The following TMEM44 variants were observed in gnomAD, a reference collection of about 807,000 sequenced individuals.
TMEM44 encodes transmembrane protein 44.
TMEM44 carries 43 observed loss-of-function variants against 47.8 expected under a neutral mutation model. The observed-to-expected ratio is 0.90, with a 90% confidence interval of 0.70 to 1.16. TMEM44 has a LOEUF of 1.16. Among genes scored for constraint, TMEM44 ranks in the 50% most tolerant of loss-of-function variants. TMEM44 has a pLI of 0.00. For synonymous variants in TMEM44, 277 were observed against 238.8 expected, an observed-to-expected ratio of 1.16 and a Z score of -1.48; for missense variants, 568 against 555.2, an observed-to-expected ratio of 1.02 and a Z score of -0.23.
intron 4 of TMEM44, 74 bp downstream of exon 4, chr3:194,623,455 C>T (rs1053389727): frequency 1.3e-5 from 19 of 1,513,370 alleles, no homozygotes; most frequent in East Asian, 1.2e-4. Flanking sequence ...CCCCTAGCCC[C>T]GGCCTCATCC....
intron 8 of TMEM44, among the ~76,000 whole-genome samples, chr3:194,610,137 G>A (rs975395871): frequency 1.3e-5 from 2 of 151,816 alleles, no homozygotes; most frequent in African/African-American, 4.8e-5. Context: ...TGAGGTAGGA[G>A]AATCACTTGA....
chr3:194,633,344 A>AGCGCACCGACCGC lies in TMEM44; in HGVS notation c.-142_-130dup, dbSNP rs1485003008. ...CGTTCCGCCGCGGCGCCTCCGGCCGAGCGCACCGACCGCGGGCAGAGAAGG... is the reference window on the plus strand; with the variant it reads ...CGTTCCGCCGCGGCGCCTCCGGCCGAGCGCACCGACCGCGCGCACCGACCGCGGGCAGAGAAGG... On this transcript the variant is annotated 5_prime_UTR_variant, in exon 1 of 10. Transcript: ENST00000347147. 1.1e-5 allele frequency: 4 copies of AGCGCACCGACCGC among 349,010 alleles called. No homozygotes were observed. The Admixed American group carries it at 1.9e-4, about 17-fold the overall frequency. The allele number at this position is 349,010 out of a possible 1,614,324, so 21.6% of individuals were successfully genotyped here. A position where few individuals can be genotyped will look rare whatever the true frequency, so the allele number is the denominator to read the frequency against.
intron 6 of TMEM44, chr3:194,616,364 T>C: frequency 3.1e-6 from 1 of 325,694 alleles, no homozygotes; most frequent in Non-Finnish European, 6.1e-6. Context: ...GACTGTGACC[T>C]TATTCGGAAG....
chr3:194,600,412 C>T (rs914857121), intron 9 of TMEM44, among the ~76,000 whole-genome samples: 3 of 150,352 alleles, frequency 2.0e-5, no homozygotes, highest in Non-Finnish European at 3.0e-5. Context: ...GGATTACAGG[C>T]GTGAGCCACC....
At chr3:194,632,872 T>G in intron 1 of TMEM44, 1 of 890,084 alleles carries the variant, frequency 1.1e-6, no homozygotes, top group Non-Finnish European at 1.6e-6. Context: ...GCCTCCTCCC[T>G]TTGGCTCACA....
rs1311463647 is a variant in TMEM44 at position 194,617,205 on chromosome 3, A to C, written c.677T>G (p.Leu226Arg). 3 of 1,551,118 alleles carry C rather than the reference A, an allele frequency of 1.9e-6. No individual in the cohort carries two copies. Among genetic ancestry groups the C allele is most frequent in the South Asian group, 1.2e-5 (1 of 84,070 alleles). Residue 226 changes from leucine to arginine, a missense_variant, in exon 6 of 10, where the codon CTC (leucine) becomes CGC (arginine). Transcript: ENST00000347147. ...GGCCACAATGGCCGAGGCATAGAGG[A>C]GGCCAGCCAGGGCCGACAGGAGCCG... ...WTRLLSALAG[L>R]LYASAIVAHD...
intron 1 of TMEM44, among the ~76,000 whole-genome samples, chr3:194,628,959 T>A (rs910655679): frequency 1.3e-5 from 2 of 151,832 alleles, no homozygotes; most frequent in African/African-American, 4.8e-5. Flanking sequence ...AGGTCAGGAG[T>A]TCGAGACCAT....
At chr3:194,601,241 TTCAAA>T in intron 9 of TMEM44, among the ~76,000 whole-genome samples, 1 of 151,280 alleles carries the variant, frequency 6.6e-6, no homozygotes, top group East Asian at 1.9e-4. Flanking sequence ...CCCCTCCGGG[TTCAAA>T]CGATTCTCCT....
intron 5 of TMEM44, chr3:194,617,742 TGTTGA>T (rs1716088877): frequency 4.3e-6 from 3 of 703,768 alleles, no homozygotes; most frequent in Middle Eastern, 2.3e-4. Context: ...CCAGATCTCA[TGTTGA>T]GTCGTAATCC....
intron 7 of TMEM44, among the ~76,000 whole-genome samples, chr3:194,614,060 T>C (rs1004313160): frequency 6.6e-6 from 1 of 151,868 alleles, no homozygotes; most frequent in Non-Finnish European, 1.5e-5. Flanking sequence ...AGGCGGAGGT[T>C]GTGGTGAGCC....
chr3:194,600,514 T>A (rs1300381923), intron 9 of TMEM44, among the ~76,000 whole-genome samples: 1 of 151,736 alleles, frequency 6.6e-6, no homozygotes. Flanking sequence ...TTTGGGAGGC[T>A]GAGGTGGGCA....
chr3:194,604,193 G>C, intron 9 of TMEM44, 94 bp downstream of exon 9: 1 of 1,463,584 alleles, frequency 6.8e-7, no homozygotes, highest in African/African-American at 1.4e-5. Flanking sequence ...ACGTGGATAA[G>C]ATGAGAACAG....
At chr3:194,605,367 T>G (rs984075338) in intron 8 of TMEM44, among the ~76,000 whole-genome samples, 2 of 152,214 alleles carry the variant, frequency 1.3e-5, no homozygotes, top group Non-Finnish European at 2.9e-5. Context: ...TAATTAACCA[T>G]GTGATCTAAT....
In TMEM44 at chr3:194,588,297, T is replaced by TG. The variant is rs1577132648; in HGVS notation, c.*231dup. ...ACGAAGCAAAAGCTTCTGTGAACTG[T>TG]GATCTTCAGAACGAATGCTGGGCCT... On this transcript the variant is annotated 3_prime_UTR_variant, in exon 10 of 10. Coordinates refer to ENST00000347147, the MANE Select transcript of TMEM44 (RefSeq NM_001011655.3). The TG allele has an allele frequency of 4.0e-6, 2 of 502,454 alleles. No individual in the cohort carries two copies. The highest frequency in any genetic ancestry group is 6.6e-5 in the East Asian group (2 of 30,108). 31.1% of individuals were successfully genotyped at this position (502,454 alleles called of 1,614,324 possible). A position where few individuals can be genotyped will look rare whatever the true frequency, so the allele number is the denominator to read the frequency against.
At chr3:194,596,425 A>G (rs780010135) in intron 9 of TMEM44, among the ~76,000 whole-genome samples, 2 of 152,152 alleles carry the variant, frequency 1.3e-5, no homozygotes, top group Non-Finnish European at 2.9e-5. Context: ...CTGCTATGCT[A>G]CCAAGATTCA....
At chr3:194,631,406 G>A (rs941450217) in intron 1 of TMEM44, among the ~76,000 whole-genome samples, 20 of 152,024 alleles carry the variant, frequency 1.3e-4, no homozygotes, top group Admixed American at 5.3e-4. Context: ...GATTCTGAGC[G>A]CCTGTCCTTG....
At chr3:194,590,488 AAG>A (rs954265457) in intron 9 of TMEM44, among the ~76,000 whole-genome samples, 7 of 152,172 alleles carry the variant, frequency 4.6e-5, no homozygotes, top group South Asian at 2.1e-4. Context: ...CCCCAAATAA[AAG>A]AGCTCACCAG....
In TMEM44 at chr3:194,604,377, G is replaced by T. The variant is rs1577175655; in HGVS notation, c.1086C>A (p.Asp362Glu). 1.3e-6 allele frequency: 2 copies of T among 1,556,680 alleles called. No individual in the cohort carries two copies. The highest frequency in any genetic ancestry group is 1.7e-6 in the Non-Finnish European group (2 of 1,149,956). Residue 362 changes from aspartate to glutamate, a missense_variant, in exon 9 of 10, where the codon GAC becomes GAA. Coordinates refer to ENST00000347147, the MANE Select transcript of TMEM44 (RefSeq NM_001011655.3). ...QTSAGDASLQ[D>E]PPSYPPVQVI... The stretch of plus-strand genomic sequence containing the variant: ...CCTGAACGGGAGGGTACGACGGGGG[G>T]TCCTGCAGGGACGCATCTCCGGCGC...
intron 9 of TMEM44, among the ~76,000 whole-genome samples, chr3:194,595,543 G>C (rs1713290814): frequency 6.6e-6 from 1 of 152,138 alleles, no homozygotes; most frequent in African/African-American, 2.4e-5. Context: ...CAGTCTTGGG[G>C]AGGTGAGATG....
Sources: gnomAD v4.1 joint callset for allele counts (sites outside exome capture counted in the v4.1 genomes callset) on GRCh38, gnomAD v4.1.1 for gene constraint, MANE v1.5 for transcripts, NCBI Gene and HGNC (gene_info 2026-07-23, HGNC 2026-07-21) for gene names.